UBR1: variants seen among roughly 807,000 people sequenced by gnomAD.
UBR1 encodes the protein E3 ubiquitin-protein ligase UBR1.
UBR1 carries 102 observed loss-of-function variants against 242.1 expected under a neutral mutation model. The observed-to-expected ratio is 0.42, with a 90% CI of 0.36 to 0.50. The LOEUF (loss-of-function observed/expected upper bound fraction) is 0.50, where lower values mean the gene tolerates loss of function less well. Among genes scored for constraint, UBR1 ranks in the 20% least tolerant of loss-of-function variants. The probability of loss-of-function intolerance (pLI) is 0.01; values close to 1 mark genes in which losing one functional copy is unlikely to be tolerated. For synonymous variants in UBR1, 675 were observed against 684.8 expected, an observed-to-expected ratio of 0.99 and a Z score of 0.22; for missense variants, 1,772 against 2,101.8, an observed-to-expected ratio of 0.84 and a Z score of 3.07.
chr15:43,025,094 C>T, intron 24 of UBR1, 111 bp from the exon 25 acceptor site: 2 of 1,354,684 alleles, frequency 1.5e-6, no homozygotes, highest in Non-Finnish European at 2.0e-6. Context: ...ACATGCAAAA[C>T]AACACATGCT....
chr15:43,072,385 G>A (rs182362153), intron 4 of UBR1, among the ~76,000 whole-genome samples: 4 of 152,226 alleles, frequency 2.6e-5, no homozygotes, highest in Admixed American at 2.0e-4. Context: ...GCCACCAGTT[G>A]TGTGTATTTT....
intron 25 of UBR1, among the ~76,000 whole-genome samples, chr15:43,023,049 G>A (rs1440494012): frequency 6.6e-5 from 10 of 151,686 alleles, no homozygotes; most frequent in South Asian, 2.1e-4. Flanking sequence ...TGGAGGGGGC[G>A]GGGGGTATAG....
chr15:43,056,165 G>A (rs555269257), intron 11 of UBR1, among the ~76,000 whole-genome samples, 179 bp downstream of exon 11: 32 of 152,306 alleles, frequency 2.1e-4, no homozygotes, highest in South Asian at 8.3e-4. Context: ...CTGCATTGAC[G>A]AGGACATCTG....
At chr15:43,099,229 C>T (rs1053800605) in intron 1 of UBR1, among the ~76,000 whole-genome samples, 2 of 151,698 alleles carry the variant, frequency 1.3e-5, no homozygotes, top group Admixed American at 6.6e-5. Context: ...CCCAGCTACT[C>T]GGGAGGCTGA....
chr15:43,097,921 G>A (rs1040174454), intron 1 of UBR1, among the ~76,000 whole-genome samples: 1 of 152,154 alleles, frequency 6.6e-6, no homozygotes, highest in Admixed American at 6.6e-5. Context: ...TTTCCTTCAA[G>A]AACTTTTCCT....
intron 41 of UBR1, among the ~76,000 whole-genome samples, chr15:42,965,039 C>G (rs1219017937): frequency 1.3e-5 from 2 of 152,172 alleles, no homozygotes; most frequent in Admixed American, 6.5e-5. Flanking sequence ...TCACTCACAA[C>G]TGTACTGTAG....
At chr15:43,005,361 CAT>C (rs2032800786) in intron 30 of UBR1, among the ~76,000 whole-genome samples, 1 of 151,138 alleles carries the variant, frequency 6.6e-6, no homozygotes, top group Non-Finnish European at 1.5e-5. Context: ...CCAGCCGCCC[CAT>C]CCGGGAGGGA....
Position 43,056,351 on chromosome 15 carries a change from G to C in UBR1, c.1274C>G (p.Pro425Arg), listed in dbSNP as rs769727145. The change falls in exon 11 of 47, where the codon CCT (proline) becomes CGT (arginine). Residue 425 changes from proline to arginine, a missense_variant. Pro to Arg is a moderately radical substitution (Grantham distance 103). This residue lies in a region of UBR1 where 734 missense variants were observed against 893.3 expected (regional missense o/e 0.82). Transcript: ENST00000290650. ...TALSVQMFTV[P>R]TLARHLIEEQ... is the part of the protein sequence containing the mutation. The stretch of plus-strand genomic sequence containing the variant: ...GGAATAATCAATACATACCAGAGTA[G>C]GAACAGTAAACATCTGAACTGAAAG... 1.2e-6 allele frequency: 2 copies of C among 1,606,930 alleles called. No individual in the cohort carries two copies. The highest frequency in any genetic ancestry group is 1.7e-6 in the Non-Finnish European group (2 of 1,173,552).
chr15:42,969,824 C>G (rs917575338), intron 40 of UBR1, among the ~76,000 whole-genome samples: 1 of 152,158 alleles, frequency 6.6e-6, no homozygotes, highest in Non-Finnish European at 1.5e-5. Flanking sequence ...CTACAAACCA[C>G]TGCTCAAGGA....
At chr15:43,079,338 A>C (rs2033946597) in intron 3 of UBR1, among the ~76,000 whole-genome samples, 1 of 152,200 alleles carries the variant, frequency 6.6e-6, no homozygotes, top group Non-Finnish European at 1.5e-5. Flanking sequence ...AAATGTAAAA[A>C]CAAATTAAAA....
intron 9 of UBR1, 66 bp downstream of exon 9, chr15:43,059,019 G>T: frequency 2.5e-6 from 3 of 1,219,190 alleles, no homozygotes; most frequent in Non-Finnish European, 3.6e-6. Context: ...AGATATTACA[G>T]CTCCACTTTA....
At chr15:42,954,107 A>G (rs2031878730) in intron 44 of UBR1, among the ~76,000 whole-genome samples, 1 of 151,458 alleles carries the variant, frequency 6.6e-6, no homozygotes. Flanking sequence ...CTGGTCTTGA[A>G]CTCCTGAGTT....
chr15:43,062,288 T>C (rs907669706), intron 6 of UBR1, among the ~76,000 whole-genome samples: 3 of 152,142 alleles, frequency 2.0e-5, no homozygotes, highest in Non-Finnish European at 4.4e-5. Flanking sequence ...TGTGTGTGTA[T>C]ATATACTGTA....
chr15:42,956,307 T>G (rs561140781), intron 44 of UBR1, among the ~76,000 whole-genome samples: 260 of 152,324 alleles, frequency 1.7e-3, no homozygotes, highest in Middle Eastern at 6.8e-3. Context: ...CAGCAAGAAC[T>G]GCCTGAGGCA....
At chr15:43,100,753 T>C (rs185578254) in intron 1 of UBR1, among the ~76,000 whole-genome samples, 4 of 152,252 alleles carry the variant, frequency 2.6e-5, no homozygotes, top group African/African-American at 9.6e-5. Context: ...GAGAATCGCT[T>C]GAATCCGGGA....
chr15:43,007,566 T>A (rs552385948), intron 29 of UBR1, among the ~76,000 whole-genome samples: 39 of 151,898 alleles, frequency 2.6e-4, no homozygotes, highest in Admixed American at 1.1e-3. Flanking sequence ...AGCTGGGCTT[T>A]TTTTTTTTTC....
At chr15:43,036,355 A>T in intron 18 of UBR1, 76 bp from the exon 19 acceptor site, 1 of 1,423,692 alleles carries the variant, frequency 7.0e-7, no homozygotes, top group Middle Eastern at 1.8e-4. Context: ...GACTGTCAAA[A>T]ATTAAAAAGT....
intron 41 of UBR1, among the ~76,000 whole-genome samples, chr15:42,965,632 T>A (rs1338052803): frequency 5.9e-5 from 9 of 151,986 alleles, no homozygotes; most frequent in Non-Finnish European, 7.4e-5. Flanking sequence ...GCCCAGCTAA[T>A]TTTTTTGTAT....
intron 15 of UBR1, among the ~76,000 whole-genome samples, chr15:43,039,830 C>T (rs1170525505): frequency 1.3e-5 from 2 of 152,002 alleles, no homozygotes; most frequent in African/African-American, 4.8e-5. Flanking sequence ...ATAAATAGCT[C>T]TTATTATTTT....
Sources: gnomAD v4.1 joint callset for allele counts (sites outside exome capture counted in the v4.1 genomes callset) on GRCh38, gnomAD v4.1.1 for gene constraint, gnomAD v4.1.1 regional missense constraint, MANE v1.5 for transcripts, NCBI Gene and HGNC (gene_info 2026-07-23, HGNC 2026-07-21) for gene names.